CACNA2D3: variants seen among roughly 807,000 people sequenced by gnomAD.
CACNA2D3 encodes calcium voltage-gated channel auxiliary subunit alpha2delta 3, also known as voltage-dependent calcium channel subunit alpha-2/delta-3.
In CACNA2D3, 60 loss-of-function variants were observed where a neutral mutation model predicts 160.6. The observed-to-expected ratio is 0.37, with a 90% CI of 0.30 to 0.46. The LOEUF (loss-of-function observed/expected upper bound fraction) is 0.46, where lower values mean the gene tolerates loss of function less well. Among genes scored for constraint, CACNA2D3 ranks in the 20% least tolerant of loss-of-function variants. The probability of loss-of-function intolerance (pLI) is 1.00; values close to 1 mark genes in which losing one functional copy is unlikely to be tolerated. For synonymous variants in CACNA2D3, 558 were observed against 492.9 expected (o/e 1.13, Z -1.75); for missense variants, 1,205 against 1,365.0 (o/e 0.88, Z 1.85).
intron 11 of CACNA2D3, among the ~76,000 whole-genome samples, chr3:54,666,177 GAAACTCA>G (rs1165489040): frequency 4.6e-5 from 7 of 152,248 alleles, no homozygotes; most frequent in African/African-American, 1.7e-4. Flanking sequence ...TTATAAAAGG[GAAACTCA>G]AGAATCTTTT....
intron 11 of CACNA2D3, among the ~76,000 whole-genome samples, chr3:54,748,759 G>C (rs906561526): frequency 6.6e-6 from 1 of 152,130 alleles, no homozygotes; most frequent in African/African-American, 2.4e-5. Flanking sequence ...ATTTGGCTCT[G>C]CTTCACACTC....
At chr3:55,011,552 CT>C (rs1559463053) in intron 34 of CACNA2D3, among the ~76,000 whole-genome samples, 1 of 149,924 alleles carries the variant, frequency 6.7e-6, no homozygotes, top group South Asian at 2.1e-4. Flanking sequence ...TTTCTGAAAA[CT>C]TTTTGATGAA....
intron 2 of CACNA2D3, among the ~76,000 whole-genome samples, chr3:54,176,015 A>C (rs1260249559): frequency 1.3e-5 from 2 of 152,112 alleles, no homozygotes; most frequent in Non-Finnish European, 2.9e-5. Flanking sequence ...GACTGGAGGG[A>C]ACTGTTTTCT....
At chr3:54,759,591 T>A (rs1159618609) in intron 12 of CACNA2D3, among the ~76,000 whole-genome samples, 1 of 152,132 alleles carries the variant, frequency 6.6e-6, no homozygotes, top group African/African-American at 2.4e-5. Context: ...TAAAATTTTA[T>A]CTTTTCTTAC....
At chr3:54,196,233 A>G (rs1458361773) in intron 2 of CACNA2D3, among the ~76,000 whole-genome samples, 1 of 152,234 alleles carries the variant, frequency 6.6e-6, no homozygotes, top group East Asian at 1.9e-4. Flanking sequence ...TGGACATACT[A>G]TTGATTTTAA....
At chr3:55,045,387 A>C (rs1274292729) in intron 35 of CACNA2D3, among the ~76,000 whole-genome samples, 1 of 152,156 alleles carries the variant, frequency 6.6e-6, no homozygotes, top group African/African-American at 2.4e-5. Flanking sequence ...TCTGGTTTTG[A>C]TATCAGGATG....
intron 22 of CACNA2D3, 49 bp downstream of exon 22, chr3:54,885,375 C>G (rs754862508): frequency 1.2e-6 from 2 of 1,607,042 alleles, no homozygotes; most frequent in East Asian, 2.2e-5. Flanking sequence ...TCATTGCCCT[C>G]TTTGATTCCA....
intron 11 of CACNA2D3, among the ~76,000 whole-genome samples, chr3:54,653,235 G>T (rs146002458): frequency 2.6e-5 from 4 of 152,264 alleles, no homozygotes; most frequent in Non-Finnish European, 5.9e-5. Context: ...AAAAGGGTGG[G>T]GAGTGTAGGT....
intron 13 of CACNA2D3, among the ~76,000 whole-genome samples, chr3:54,798,291 T>A (rs1334082288): frequency 2.0e-5 from 3 of 152,104 alleles, no homozygotes; most frequent in East Asian, 3.9e-4. Flanking sequence ...TCCCAGCACT[T>A]TGGGAGGCTG....
chr3:54,386,464 A>C (rs1365345407), intron 3 of CACNA2D3, among the ~76,000 whole-genome samples: 1 of 152,208 alleles, frequency 6.6e-6, no homozygotes, highest in African/African-American at 2.4e-5. Context: ...AAATGGATGC[A>C]GAACACGTGT....
rs1487099144 is a variant in CACNA2D3 at position 54,710,373 on chromosome 3, TC to T, written c.1168-42224del. On this transcript the variant is annotated intron_variant, in intron 11 of 37. Transcript: ENST00000474759. ...AATGAAGATTTATTTCTTCTCACAT[TC>T]CAATATGATGCAGATTGAATAGTTC... Among the ~76,000 whole-genome samples, 6 of 152,336 alleles carry T rather than the reference TC, an allele frequency of 3.9e-5. No homozygotes were observed. The South Asian group carries it at 1.0e-3, about 26-fold the overall frequency.
intron 13 of CACNA2D3, among the ~76,000 whole-genome samples, chr3:54,812,090 A>G (rs778887206): frequency 2.6e-5 from 4 of 152,192 alleles, no homozygotes; most frequent in Non-Finnish European, 5.9e-5. Flanking sequence ...CATAGGCCAG[A>G]ATGACTGCTA....
intron 2 of CACNA2D3, among the ~76,000 whole-genome samples, chr3:54,133,760 G>T (rs1035426055): frequency 6.6e-6 from 1 of 152,162 alleles, no homozygotes; most frequent in African/African-American, 2.4e-5. Context: ...ATGCGTTTCT[G>T]AGAATCTAAT....
chr3:54,369,517 C>A (rs1049917155), intron 3 of CACNA2D3, among the ~76,000 whole-genome samples: 2 of 152,156 alleles, frequency 1.3e-5, no homozygotes, highest in Non-Finnish European at 2.9e-5. Flanking sequence ...CTCTGACCAC[C>A]CTGGATCACC....
In CACNA2D3 at chr3:54,418,176, C is replaced by T. The variant is rs1428852313; in HGVS notation, c.381+31402C>T. On this transcript the variant is annotated intron_variant, in intron 4 of 37. Transcript: ENST00000474759. ...ACCGTAATGCCTGTTTTACTCTAGA[C>T]GTTAGTTTGCTGTCTAGTTGAAGAT... Among the ~76,000 whole-genome samples the T allele has an allele frequency of 5.9e-5, 9 of 152,264 alleles. No homozygotes were observed. In the East Asian group the frequency reaches 7.7e-4, roughly 13 times the overall value.
chr3:54,173,919 C>T (rs1184136310), intron 2 of CACNA2D3, among the ~76,000 whole-genome samples: 1 of 152,172 alleles, frequency 6.6e-6, no homozygotes, highest in Non-Finnish European at 1.5e-5. Context: ...GATTCCTGGG[C>T]CTCTGGACCC....
At chr3:54,891,331 C>A in intron 24 of CACNA2D3, 24 bp from the exon 25 acceptor site, 1 of 1,578,340 alleles carries the variant, frequency 6.3e-7, no homozygotes, top group Admixed American at 1.7e-5. Context: ...AGGCCTCCCC[C>A]TGACGTCTGT....
At chr3:54,872,686 G>A (rs1699563695) in intron 18 of CACNA2D3, among the ~76,000 whole-genome samples, 1 of 152,142 alleles carries the variant, frequency 6.6e-6, no homozygotes, top group African/African-American at 2.4e-5. Context: ...ATCCTTGCTG[G>A]TAAAATGTGA....
intron 34 of CACNA2D3, among the ~76,000 whole-genome samples, chr3:55,014,257 G>A (rs1703277472): frequency 6.6e-6 from 1 of 152,086 alleles, no homozygotes; most frequent in South Asian, 2.1e-4. Context: ...GGTTTACTGT[G>A]TGAGTTAATG....
Sources: gnomAD v4.1 joint callset for allele counts (sites outside exome capture counted in the v4.1 genomes callset) on GRCh38, gnomAD v4.1.1 for gene constraint, MANE v1.5 for transcripts, NCBI Gene and HGNC (gene_info 2026-07-23, HGNC 2026-07-21) for gene names.